The following KIAA1958 variants were observed in gnomAD, a reference collection of about 807,000 sequenced individuals.
The protein encoded by KIAA1958 is uncharacterized protein KIAA1958.
In KIAA1958, 14 loss-of-function variants were observed where a neutral mutation model predicts 47.2. The ratio of observed to expected loss-of-function variants is 0.30; its 90% CI spans 0.20 to 0.46. The LOEUF (loss-of-function observed/expected upper bound fraction) is 0.46, where lower values mean the gene tolerates loss of function less well. Ranked by LOEUF, KIAA1958 falls within the 20% of genes least tolerant of loss-of-function variation. KIAA1958 has a pLI of 1.00. For synonymous variants in KIAA1958, 354 were observed against 353.3 expected (o/e 1.00, Z -0.02); for missense variants, 803 against 909.2 (o/e 0.88, Z 1.50).
chr9:112,641,391 G>T (rs1469130045), intron 2 of KIAA1958, among the ~76,000 whole-genome samples: 1 of 90,362 alleles, frequency 1.1e-5, no homozygotes, highest in Admixed American at 1.2e-4. Flanking sequence ...TTCTCGCTAT[G>T]TTGACAGCTC....
chr9:112,651,939 A>C (rs1837060188), intron 3 of KIAA1958, among the ~76,000 whole-genome samples: 2 of 152,174 alleles, frequency 1.3e-5, no homozygotes, highest in African/African-American at 4.8e-5. Context: ...AATGAATGTG[A>C]AACAAAAAGA....
intron 2 of KIAA1958, among the ~76,000 whole-genome samples, chr9:112,580,184 G>A (rs1333457869): frequency 6.6e-6 from 1 of 152,136 alleles, no homozygotes; most frequent in South Asian, 2.1e-4. Flanking sequence ...TGGGGTGGAA[G>A]TATTCTTCCA....
intron 2 of KIAA1958, among the ~76,000 whole-genome samples, chr9:112,583,988 C>T (rs1272885003): frequency 6.6e-6 from 1 of 152,038 alleles, no homozygotes; most frequent in African/African-American, 2.4e-5. Context: ...ATCACTTGAG[C>T]CCGGGAGTTT....
At chr9:112,634,627 C>T (rs990835482) in intron 2 of KIAA1958, among the ~76,000 whole-genome samples, 3 of 152,076 alleles carry the variant, frequency 2.0e-5, no homozygotes, top group Non-Finnish European at 4.4e-5. Context: ...AGGTTTGTTA[C>T]GTAGGTAAAC....
intron 1 of KIAA1958, among the ~76,000 whole-genome samples, chr9:112,556,065 G>A (rs1835234823): frequency 6.6e-6 from 1 of 152,106 alleles, no homozygotes; most frequent in South Asian, 2.1e-4. Flanking sequence ...GGGGACAAGA[G>A]TGAAACTCTG....
chr9:112,655,111 T>C (rs1262863001), intron 3 of KIAA1958, among the ~76,000 whole-genome samples: 2 of 152,232 alleles, frequency 1.3e-5, no homozygotes, highest in Non-Finnish European at 2.9e-5. Context: ...TTACACTTCA[T>C]TGTAGTAAGA....
At chr9:112,620,658 G>A (rs1836488935) in intron 2 of KIAA1958, among the ~76,000 whole-genome samples, 1 of 152,154 alleles carries the variant, frequency 6.6e-6, no homozygotes. Context: ...CAAGAAGAAA[G>A]GGCAGAGAAT....
Position 112,659,562 on chromosome 9 carries a change from G to C in KIAA1958, c.1644G>C (p.Gly548=). ...EEEMWQAGCL[G]DDSPITLLST... The stretch of plus-strand genomic sequence containing the variant: ...AGATGTGGCAGGCAGGGTGTCTGGG[G>C]GATGACAGCCCTATCACTCTCCTGT... The change falls in exon 4 of 4, where the codon GGG becomes GGC. Residue 548 remains glycine, a synonymous_variant. Transcript: ENST00000337530. The C allele has an allele frequency of 1.9e-6, 3 of 1,613,066 alleles. 1 individual carries two copies. The South Asian group carries it at 3.3e-5, about 18-fold the overall frequency.
At chr9:112,539,168 A>G (rs762760875) in intron 1 of KIAA1958, among the ~76,000 whole-genome samples, 2 of 152,230 alleles carry the variant, frequency 1.3e-5, no homozygotes, top group Non-Finnish European at 2.9e-5. Context: ...TAGAGTTACC[A>G]TATGACACAG....
intron 1 of KIAA1958, among the ~76,000 whole-genome samples, chr9:112,497,647 T>G (rs556438821): frequency 1.3e-5 from 2 of 152,344 alleles, no homozygotes; most frequent in South Asian, 4.1e-4. Flanking sequence ...TGGTACTCAC[T>G]TGTGTATGTG....
At chr9:112,644,039 G>A (rs867350240) in intron 2 of KIAA1958, among the ~76,000 whole-genome samples, 12 of 151,922 alleles carry the variant, frequency 7.9e-5, no homozygotes, top group African/African-American at 1.5e-4. Context: ...TTAGCCGGGC[G>A]TAGTGGTGGT....
intron 2 of KIAA1958, among the ~76,000 whole-genome samples, chr9:112,621,742 C>CTTTG (rs3033071): frequency 2.6e-5 from 4 of 151,994 alleles, no homozygotes; most frequent in Admixed American, 6.6e-5. Flanking sequence ...CAGTATCAGT[C>CTTTG]TTTGTTTGTT....
At chr9:112,590,374 G>A (rs996990890) in intron 2 of KIAA1958, among the ~76,000 whole-genome samples, 3 of 142,260 alleles carry the variant, frequency 2.1e-5, no homozygotes, top group East Asian at 2.0e-4. Flanking sequence ...TTTTTGAGAC[G>A]GAATGTCACT....
rs771331748 is a variant in KIAA1958, at chr9:112,659,527, G to A, written c.1609G>A (p.Asp537Asn). The A allele has an allele frequency of 6.2e-7, 1 of 1,613,348 alleles. No homozygotes were observed. The highest frequency in any genetic ancestry group is 8.5e-7 in the Non-Finnish European group (1 of 1,179,644). The change falls in exon 4 of 4, where the codon GAC becomes AAC. Residue 537 changes from aspartate (D) to asparagine (N), a missense_variant. This residue lies in a region of KIAA1958 where 761 missense variants were observed against 829.3 expected (regional missense o/e 0.92). Transcript: ENST00000337530. ...SRNIVYFSLS[D>N]EEEMWQAGCL... The stretch of plus-strand genomic sequence containing the variant: ...CAACATCGTCTACTTCTCCCTTTCT[G>A]ACGAGGAGGAGATGTGGCAGGCAGG...
intron 2 of KIAA1958, chr9:112,582,101 T>G (rs1835745908): frequency 5.8e-6 from 1 of 172,208 alleles, no homozygotes; most frequent in African/African-American, 2.4e-5. Flanking sequence ...AGTATCAGGC[T>G]TAGGAAAGGA....
intron 1 of KIAA1958, among the ~76,000 whole-genome samples, chr9:112,520,104 A>G (rs562503694): frequency 6.6e-6 from 1 of 152,320 alleles, no homozygotes; most frequent in East Asian, 1.9e-4. Context: ...ACTGGGCTTG[A>G]TGGATTAAAT....
intron 3 of KIAA1958, among the ~76,000 whole-genome samples, chr9:112,647,760 A>G (rs1297706892): frequency 6.6e-6 from 1 of 152,242 alleles, no homozygotes; most frequent in African/African-American, 2.4e-5. Flanking sequence ...CCTAAGGCAC[A>G]GGAAACAAGT....
chr9:112,523,157 A>C (rs1384324356), intron 1 of KIAA1958, among the ~76,000 whole-genome samples: 2 of 152,182 alleles, frequency 1.3e-5, no homozygotes, highest in African/African-American at 4.8e-5. Context: ...GTGGTATTAC[A>C]TTCAAATGCT....
rs967082818 is a variant in KIAA1958, at chr9:112,610,179, G to C, written c.1171+34928G>C. Among the ~76,000 whole-genome samples the C allele has an allele frequency of 2.6e-5, 4 of 151,890 alleles. No individual in the cohort carries two copies. The South Asian group carries it at 8.3e-4, about 32-fold the overall frequency. ...AGAGTAACTAGATAAAAATAATCAT[G>C]ATGACAATAATAGCATTATATAGCA... On this transcript the variant is annotated intron_variant, in intron 2 of 3. Transcript: ENST00000337530.
Sources: allele counts gnomAD v4.1 joint callset (sites outside exome capture counted in the v4.1 genomes callset), GRCh38; gene constraint gnomAD v4.1.1; regional missense constraint gnomAD v4.1.1; transcripts MANE v1.5; gene names NCBI Gene and HGNC (gene_info 2026-07-23, HGNC 2026-07-21).